Variants in ARSD observed in about 807,000 individuals in gnomAD.
The protein encoded by ARSD is testis tissue sperm-binding protein Li 39a.
Under a neutral mutation model 32.6 loss-of-function variants are expected in ARSD, and 21 were observed. The observed-to-expected ratio is 0.64, with a 90% CI of 0.46 to 0.93. ARSD has a LOEUF of 0.93. ARSD is among the 40% of genes least tolerant of loss of function. The pLI is 0.00. For missense variants in ARSD, 454 were observed against 520.9 expected, an observed-to-expected ratio of 0.87 and a Z score of 1.25; for synonymous variants, 224 against 237.4, an observed-to-expected ratio of 0.94 and a Z score of 0.52.
In ARSD at chrX:2,917,066, C is replaced by CA. The variant is rs63580360; in HGVS notation, c.863+737dup. On this transcript the variant is annotated intron_variant, in intron 5 of 9. Transcript: ENST00000381154. ...TGGGCCATATAGTGAGACATTGTCT[C>CA]AAAAAAAAAAAAAAAAAAAAATGAG... 5.5e-3 allele frequency among the ~76,000 whole-genome samples: 288 copies of CA among 52,630 alleles called. 1 individual carries two copies. The highest frequency in any genetic ancestry group is 0.013 in the African/African-American group (174 of 13,836). The allele number at this position is 52,630 out of a possible 115,157, so 45.7% of individuals were successfully genotyped here. A position where few individuals can be genotyped will look rare whatever the true frequency, so the allele number is the denominator to read the frequency against.
In ARSD at chrX:2,905,988, A is replaced by G. The variant is rs2088849067; in HGVS notation, c.*1283T>C. 1 of 112,055 alleles carries G rather than the reference A, an allele frequency of 8.9e-6. No homozygotes were observed. Among genetic ancestry groups the G allele is most frequent in the Admixed American group, 9.4e-5 (1 of 10,616 alleles). The allele number at this position is 112,055 out of a possible 1,213,427, so 9.2% of individuals were successfully genotyped here. A position where few individuals can be genotyped will look rare whatever the true frequency, so the allele number is the denominator to read the frequency against. ...TGTGATGTCTGACACTGTGGCAGCC[A>G]TACTGGCATAATGAGGCCAACTCTC... is the stretch of plus-strand genomic sequence containing the variant. On this transcript the variant is annotated 3_prime_UTR_variant, in exon 10 of 10. Coordinates refer to ENST00000381154, the MANE Select transcript of ARSD (RefSeq NM_001669.4).
At chrX:2,925,551 A>G (rs1464286969) in intron 2 of ARSD, 65 bp downstream of exon 2, 1 of 1,136,297 alleles carries the variant, frequency 8.8e-7, no homozygotes, top group Non-Finnish European at 1.2e-6. Context: ...CTCCAGGCAG[A>G]TTTTAAATGC....
intron 6 of ARSD, chrX:2,914,327 G>C (rs1486555093): frequency 5.4e-6 from 3 of 551,758 alleles, no homozygotes; most frequent in Non-Finnish European, 6.7e-6. Flanking sequence ...CAGCCTCCTG[G>C]GCTCAAATGA....
In ARSD at chrX:2,925,778, G is replaced by C. The variant is rs781201182; in HGVS notation, c.45-13C>G. On this transcript the variant is annotated splice_polypyrimidine_tract_variant and intron_variant, in intron 1 of 9. Transcript: ENST00000381154. Reference sequence around the variant, plus strand: ...CGGCAAAGAGTCCCTGGAGAGAAAAGCGAAACACAGAAATGACTATCTACA... The same window carrying C: ...CGGCAAAGAGTCCCTGGAGAGAAAACCGAAACACAGAAATGACTATCTACA... The C allele has an allele frequency of 8.3e-7, 1 of 1,205,973 alleles. No homozygotes were observed. The highest frequency in any genetic ancestry group is 3.0e-5 in the East Asian group (1 of 33,624).
intron 1 of ARSD, 73 bp from the exon 2 acceptor site, chrX:2,925,838 C>A: frequency 9.4e-7 from 1 of 1,063,503 alleles, no homozygotes; most frequent in Non-Finnish European, 1.3e-6. Flanking sequence ...CAAGGCAGCT[C>A]GCTGGGAAGG....
At chrX:2,913,343 G>A (rs1287127988) in intron 6 of ARSD, 7 of 141,220 alleles carry the variant, frequency 5.0e-5, no homozygotes, top group African/African-American at 1.6e-4. Context: ...TAAGGTCTGT[G>A]TGGATGTTCA....
intron 6 of ARSD, among the ~76,000 whole-genome samples, chrX:2,913,057 G>A (rs2088915667): frequency 8.9e-6 from 1 of 112,149 alleles, no homozygotes; most frequent in Non-Finnish European, 1.9e-5. Flanking sequence ...TGTGCCCACC[G>A]TGGCTGGGGC....
Position 2,904,984 on chromosome X carries a change from A to C in ARSD, c.*2287T>G, listed in dbSNP as rs1341796129. 9 of 334,683 alleles carry C rather than the reference A, an allele frequency of 2.7e-5. No homozygotes were observed. Among genetic ancestry groups the C allele is most frequent in the African/African-American group, 1.9e-4 (7 of 36,161 alleles). 27.6% of individuals were successfully genotyped at this position (334,683 alleles called of 1,213,427 possible). On this transcript the variant is annotated 3_prime_UTR_variant, in exon 10 of 10. Coordinates refer to ENST00000381154, the MANE Select transcript of ARSD (RefSeq NM_001669.4). ...CCTCCAGATCCCTCTCCAGCCCTAG[A>C]AACCTGAGCTCTATAAATGTTGCCT...
chrX:2,918,862 C>T (rs1202766506), intron 4 of ARSD, among the ~76,000 whole-genome samples: 3 of 112,033 alleles, frequency 2.7e-5, no homozygotes, highest in African/African-American at 9.7e-5. Flanking sequence ...CCCTGTAATC[C>T]CAGCACTCTG....
intron 1 of ARSD, among the ~76,000 whole-genome samples, chrX:2,928,672 T>TG (rs767129994): frequency 0.13 from 6,386 of 50,441 alleles, 551 homozygotes; most frequent in East Asian, 0.61. Flanking sequence ...GGCATCGAGC[T>TG]GGGGGGTTGG....
Position 2,918,049 on chromosome X carries a change from G to C in ARSD, c.618C>G (p.Phe206Leu), listed in dbSNP as rs1478640077. The change falls in exon 5 of 10, where the codon TTC becomes TTG. Residue 206 changes from phenylalanine (F) to leucine (L), a missense_variant. By Grantham distance (22) the Phe-to-Leu change is conservative. Transcript: ENST00000381154. ...LRAQLWGYTQ[F>L]LALGILTLAA... ...CCAGGGTGAGAATCCCCAGCGCCAG[G>C]AACTGGGTGTAACCCCAGAGCTGCG... is the stretch of plus-strand genomic sequence containing the variant. The C allele has an allele frequency of 4.2e-6, 5 of 1,201,970 alleles. No homozygotes were observed. The highest frequency in any genetic ancestry group is 5.6e-6 in the Non-Finnish European group (5 of 890,774).
chrX:2,929,170 ACC>A, intron 1 of ARSD, 60 bp downstream of exon 1: 1 of 965,499 alleles, frequency 1.0e-6, no homozygotes, highest in African/African-American at 2.1e-5. Flanking sequence ...CGTGCTCGCG[ACC>A]CCCTCCCCAG....
rs1437271554 is a variant in ARSD at position 2,905,315 on chromosome X, T to C, written c.*1956A>G. 4.6e-6 allele frequency: 1 copy of C among 217,253 alleles called. No homozygotes were observed. Among genetic ancestry groups the C allele is most frequent in the Non-Finnish European group, 8.5e-6 (1 of 117,210 alleles). The allele number at this position is 217,253 out of a possible 1,213,427, so 17.9% of individuals were successfully genotyped here. On this transcript the variant is annotated 3_prime_UTR_variant, in exon 10 of 10. Transcript: ENST00000381154. ...TTTAGGCTCTCGTTTCAATTCCCAG[T>C]ATGCTTCCTGCAAAGACCTCGATAG...
At position 2,918,242 on chromosome X, in the gene ARSD, A is replaced by G. The variant is rs115556892; in HGVS notation, c.440-15T>C. 1.8e-5 allele frequency: 20 copies of G among 1,138,428 alleles called. No homozygotes were observed. The highest frequency in any genetic ancestry group is 6.1e-5 in the East Asian group (2 of 32,527). The allele number at this position is 1,138,428 out of a possible 1,213,427, so 93.8% of individuals were successfully genotyped here. ...GTGCCATTTTCCTAAAAGAAACGCAAATGTTCAACAGAGACCCGCTTTGAA... is the reference window on the plus strand; with the variant it reads ...GTGCCATTTTCCTAAAAGAAACGCAGATGTTCAACAGAGACCCGCTTTGAA... On this transcript the variant is annotated splice_polypyrimidine_tract_variant and intron_variant, in intron 4 of 9. Transcript: ENST00000381154.
chrX:2,910,208 A>G (rs2088890887), intron 7 of ARSD, among the ~76,000 whole-genome samples: 2 of 110,808 alleles, frequency 1.8e-5, no homozygotes. Flanking sequence ...CAACTGTTCT[A>G]GTCGATCTAT....
intron 4 of ARSD, among the ~76,000 whole-genome samples, chrX:2,919,924 C>G (rs2089013339): frequency 1.8e-5 from 2 of 111,609 alleles, no homozygotes; most frequent in South Asian, 7.6e-4. Flanking sequence ...CGTGTAATTC[C>G]CATCACTGAT....
chrX:2,909,097 CACACACCCCA>C (rs886560150), intron 8 of ARSD, among the ~76,000 whole-genome samples: 10 of 111,597 alleles, frequency 9.0e-5, no homozygotes, highest in Non-Finnish European at 1.7e-4. Flanking sequence ...CACACACACA[CACACACCCCA>C]ACACACAGCA....
At chrX:2,919,753 C>A (rs1484718289) in intron 4 of ARSD, among the ~76,000 whole-genome samples, 1 of 111,880 alleles carries the variant, frequency 8.9e-6, no homozygotes, top group Non-Finnish European at 1.9e-5. Context: ...CAGCCCCCAA[C>A]AGAAACCCCT....
intron 9 of ARSD, among the ~76,000 whole-genome samples, chrX:2,908,406 TATCATCTATCCATCC>T (rs1004348173): frequency 1.8e-5 from 2 of 110,178 alleles, no homozygotes; most frequent in African/African-American, 6.6e-5. Flanking sequence ...ATCCATTATC[TATCATCTATCCATCC>T]ATCATCTATC....
Sources: allele counts gnomAD v4.1 joint callset (sites outside exome capture counted in the v4.1 genomes callset), GRCh38; gene constraint gnomAD v4.1.1; transcripts MANE v1.5; gene names NCBI Gene and HGNC (gene_info 2026-07-23, HGNC 2026-07-21).